MARCHF1: variants seen among roughly 807,000 people sequenced by gnomAD.
MARCHF1 encodes E3 ubiquitin-protein ligase MARCHF1.
A neutral mutation model predicts 54.2 loss-of-function variants in MARCHF1; 40 were observed. The ratio of observed to expected loss-of-function variants is 0.74; its 90% confidence interval spans 0.57 to 0.96. MARCHF1 has a LOEUF of 0.96. Among genes scored for constraint, MARCHF1 ranks in the 40% least tolerant of loss-of-function variants. The probability of loss-of-function intolerance (pLI) is 0.00; values close to 1 mark genes in which losing one functional copy is unlikely to be tolerated. For missense variants in MARCHF1, 586 were observed against 656.5 expected (o/e 0.89, Z 1.17); for synonymous variants, 236 against 236.3 (o/e 1.00, Z 0.01).
chr4:163,706,369 A>G (rs2111244188), intron 4 of MARCHF1, among the ~76,000 whole-genome samples: 1 of 152,198 alleles, frequency 6.6e-6, no homozygotes, highest in African/African-American at 2.4e-5. Flanking sequence ...AACTCTCATC[A>G]GAGAGAAAAA....
chr4:164,354,382 G>T (rs1356394295), intron 1 of MARCHF1, among the ~76,000 whole-genome samples: 1 of 136,760 alleles, frequency 7.3e-6, no homozygotes, highest in Non-Finnish European at 1.6e-5. Flanking sequence ...CTGGAAAACC[G>T]AATCCAGCAG....
chr4:163,593,866 A>G (rs1430912525), intron 7 of MARCHF1, among the ~76,000 whole-genome samples: 1 of 152,202 alleles, frequency 6.6e-6, no homozygotes, highest in Non-Finnish European at 1.5e-5. Flanking sequence ...ACTTTTATTC[A>G]TTTATTCACT....
intron 1 of MARCHF1, among the ~76,000 whole-genome samples, chr4:164,267,311 T>C (rs1291868533): frequency 6.6e-6 from 1 of 152,198 alleles, no homozygotes; most frequent in Non-Finnish European, 1.5e-5. Context: ...AGGTACTTGT[T>C]TCTATTGAAT....
At chr4:163,761,170 CA>C (rs1746815857) in intron 4 of MARCHF1, among the ~76,000 whole-genome samples, 1 of 152,128 alleles carries the variant, frequency 6.6e-6, no homozygotes, top group South Asian at 2.1e-4. Flanking sequence ...ATATTGTAAT[CA>C]TTTAAGAACT....
intron 3 of MARCHF1, chr4:163,933,194 C>T (rs2111403265): frequency 1.4e-6 from 1 of 737,894 alleles, no homozygotes; most frequent in Non-Finnish European, 2.4e-6. Flanking sequence ...GACAACCTAA[C>T]ACTATGGACC....
At chr4:163,739,154 G>T (rs977578212) in intron 4 of MARCHF1, among the ~76,000 whole-genome samples, 2 of 152,060 alleles carry the variant, frequency 1.3e-5, no homozygotes, top group African/African-American at 4.8e-5. Context: ...TTTACACATG[G>T]AATGCATATT....
chr4:163,613,658 C>T (rs1741424961), intron 5 of MARCHF1: 1 of 1,384,328 alleles, frequency 7.2e-7, no homozygotes, highest in South Asian at 1.7e-5. Context: ...AGTTTCTATT[C>T]TATTTACTGT....
At chr4:164,001,932 A>G (rs75730788) in intron 2 of MARCHF1, among the ~76,000 whole-genome samples, 2,455 of 152,004 alleles carry the variant, frequency 0.016, 54 homozygotes, top group African/African-American at 0.052. Flanking sequence ...CAGAGTTTAC[A>G]CAGACTTCAA....
Position 163,649,934 on chromosome 4 carries a change from G to T in MARCHF1, c.163-36541C>A, listed in dbSNP as rs12646855. ...TATGTACTACCATTTACATTTATGA[G>T]AAGGTGATTTCTGACTCAGCAAGTC... On this transcript the variant is annotated intron_variant, in intron 5 of 9. Transcript: ENST00000514618. Among the ~76,000 whole-genome samples the T allele has an allele frequency of 9.2e-5, 14 of 152,004 alleles. No individual in the cohort carries two copies. In the East Asian group the frequency reaches 2.5e-3, roughly 27 times the overall value.
chr4:163,913,018 G>A (rs1751228580), intron 3 of MARCHF1, among the ~76,000 whole-genome samples: 1 of 152,114 alleles, frequency 6.6e-6, no homozygotes, highest in African/African-American at 2.4e-5. Flanking sequence ...GTTATGATTT[G>A]CAGTCATATA....
chr4:164,118,768 A>G (rs1036206437), intron 1 of MARCHF1, among the ~76,000 whole-genome samples: 6 of 151,802 alleles, frequency 4.0e-5, no homozygotes, highest in African/African-American at 1.5e-4. Context: ...GTAGCTTTCA[A>G]TTCTGAAATA....
chr4:164,143,445 G>C (rs1212010631), intron 1 of MARCHF1, among the ~76,000 whole-genome samples: 2 of 150,468 alleles, frequency 1.3e-5, no homozygotes, highest in African/African-American at 4.9e-5. Flanking sequence ...ACCCTCAAAG[G>C]GAAGCCCATC....
chr4:163,743,964 T>C (rs1429152859), intron 4 of MARCHF1, among the ~76,000 whole-genome samples: 1 of 152,250 alleles, frequency 6.6e-6, no homozygotes, highest in Non-Finnish European at 1.5e-5. Flanking sequence ...CAGCACTGGT[T>C]AGGTGTTTGC....
chr4:164,340,123 G>T (rs1171558019), intron 1 of MARCHF1, among the ~76,000 whole-genome samples: 2 of 151,822 alleles, frequency 1.3e-5, no homozygotes, highest in African/African-American at 2.4e-5. Context: ...AAAAAGCCAG[G>T]ATCCGATAGC....
intron 3 of MARCHF1, among the ~76,000 whole-genome samples, chr4:163,872,766 C>T (rs546600474): frequency 2.0e-5 from 3 of 151,982 alleles, no homozygotes; most frequent in Admixed American, 6.6e-5. Flanking sequence ...TGAAGTCGGC[C>T]GGGCGCGGTG....
At chr4:164,211,617 C>A (rs867234485) in intron 1 of MARCHF1, among the ~76,000 whole-genome samples, 56 of 151,958 alleles carry the variant, frequency 3.7e-4, no homozygotes, top group African/African-American at 1.4e-3. Flanking sequence ...CAATACAAGG[C>A]ATATCCTGGG....
chr4:163,574,766 T>C (rs928790373), intron 8 of MARCHF1, among the ~76,000 whole-genome samples: 15 of 152,164 alleles, frequency 9.9e-5, no homozygotes, highest in African/African-American at 3.4e-4. Context: ...CCAGCTTCGT[T>C]CTTTTGGCTT....
At chr4:164,094,962 A>T (rs1755379232) in intron 2 of MARCHF1, among the ~76,000 whole-genome samples, 1 of 152,162 alleles carries the variant, frequency 6.6e-6, no homozygotes, top group Non-Finnish European at 1.5e-5. Context: ...TAAAAATACC[A>T]TCCAAAAACC....
At chr4:163,579,146 A>T (rs1296945758) in intron 8 of MARCHF1, among the ~76,000 whole-genome samples, 1 of 152,206 alleles carries the variant, frequency 6.6e-6, no homozygotes. Context: ...GATAAAATCC[A>T]TGTGATAAAT....
Sources: allele counts gnomAD v4.1 joint callset (sites outside exome capture counted in the v4.1 genomes callset), GRCh38; gene constraint gnomAD v4.1.1; transcripts MANE v1.5; gene names NCBI Gene and HGNC (gene_info 2026-07-23, HGNC 2026-07-21).